ERLEC1: variants seen among roughly 807,000 people sequenced by gnomAD.
ERLEC1 encodes the protein ER lectin.
In ERLEC1, 47 loss-of-function variants were observed where a neutral mutation model predicts 68.0. The ratio of observed to expected loss-of-function variants is 0.69; its 90% CI spans 0.55 to 0.88. The LOEUF (loss-of-function observed/expected upper bound fraction) is 0.88, where lower values mean the gene tolerates loss of function less well. Ranked by LOEUF, ERLEC1 falls within the 40% of genes least tolerant of loss-of-function variation. The pLI, the probability that ERLEC1 is intolerant of heterozygous loss-of-function variation, is 0.00. For missense variants in ERLEC1, 567 were observed against 583.8 expected (o/e 0.97, Z 0.30); for synonymous variants, 225 against 203.2 (o/e 1.11, Z -0.91).
At chr2:53,807,431 AGT>A (rs10574148) in intron 8 of ERLEC1, among the ~76,000 whole-genome samples, 17,384 of 151,418 alleles carry the variant, frequency 0.11, 1,589 homozygotes, top group African/African-American at 0.26. Context: ...TTTGAGACAG[AGT>A]CTCACTCTGT....
At chr2:53,815,013 T>G (rs1266315358) in intron 13 of ERLEC1, 78 bp downstream of exon 13, 11 of 982,878 alleles carry the variant, frequency 1.1e-5, no homozygotes, top group East Asian at 2.8e-5. Context: ...TTTTTTTTTT[T>G]TTTGTTTTTT....
intron 10 of ERLEC1, among the ~76,000 whole-genome samples, chr2:53,809,796 C>G (rs866704914): frequency 2.6e-5 from 4 of 152,256 alleles, no homozygotes; most frequent in Middle Eastern, 3.4e-3. Context: ...TGGCTCACGC[C>G]TGTATTCCCA....
At chr2:53,794,988 C>T (rs2104286499) in intron 2 of ERLEC1, among the ~76,000 whole-genome samples, 2 of 152,086 alleles carry the variant, frequency 1.3e-5, no homozygotes, top group South Asian at 4.2e-4. Context: ...GAAAATCTAA[C>T]TCCACACTTG....
intron 8 of ERLEC1, among the ~76,000 whole-genome samples, chr2:53,803,886 T>A (rs961258495): frequency 6.6e-6 from 1 of 152,240 alleles, no homozygotes; most frequent in Non-Finnish European, 1.5e-5. Flanking sequence ...TCCAGCACTT[T>A]GGGAGGCCGA....
rs570417982 is a variant in ERLEC1, at chr2:53,802,036, C to A, written c.879+194C>A. Among the ~76,000 whole-genome samples, 73 of 152,162 alleles carry A rather than the reference C, an allele frequency of 4.8e-4. 1 individual carries two copies. The highest frequency in any genetic ancestry group is 2.3e-3 in the South Asian group (11 of 4,822). Reference sequence around the variant, plus strand: ...GTACTACTCAAACTATTTTAATATTCTCTTATATTCATAATTTCATAATAT... The same window carrying A: ...GTACTACTCAAACTATTTTAATATTATCTTATATTCATAATTTCATAATAT... On this transcript the variant is annotated intron_variant, in intron 8 of 13. Coordinates refer to ENST00000185150, the MANE Select transcript of ERLEC1 (RefSeq NM_015701.5).
At chr2:53,799,120 A>T (rs773814483) in intron 6 of ERLEC1, 39 bp downstream of exon 6, 1 of 1,564,450 alleles carries the variant, frequency 6.4e-7, no homozygotes, top group South Asian at 1.1e-5. Flanking sequence ...CTTAACACTT[A>T]TTGTTAGTGA....
chr2:53,798,421 C>T (rs1243377414), intron 5 of ERLEC1, among the ~76,000 whole-genome samples: 1 of 151,752 alleles, frequency 6.6e-6, no homozygotes, highest in Non-Finnish European at 1.5e-5. Context: ...GCCACCATGC[C>T]CACTAATTTT....
chr2:53,794,663 T>C (rs1165347974), intron 2 of ERLEC1, among the ~76,000 whole-genome samples: 1 of 152,184 alleles, frequency 6.6e-6, no homozygotes, highest in Non-Finnish European at 1.5e-5. Context: ...TTTTATTTAT[T>C]TATTTATTTT....
At chr2:53,792,181 T>A (rs1183324453) in intron 1 of ERLEC1, among the ~76,000 whole-genome samples, 1 of 151,076 alleles carries the variant, frequency 6.6e-6, no homozygotes, top group African/African-American at 2.4e-5. Context: ...CCTCCCAAAG[T>A]GCTGGGATTA....
chr2:53,817,156 C>G lies in ERLEC1; in HGVS notation c.1381-742C>G, dbSNP rs527759805. On this transcript the variant is annotated intron_variant, in intron 13 of 13. Transcript: ENST00000185150. ...TTTACTTATTTTTTTTTTTTTGAGACAGAGTCTCGCTCTGTCACCCAGGCT... is the reference window on the plus strand; with the variant it reads ...TTTACTTATTTTTTTTTTTTTGAGAGAGAGTCTCGCTCTGTCACCCAGGCT... 5.4e-5 allele frequency among the ~76,000 whole-genome samples: 8 copies of G among 147,430 alleles called. No individual in the cohort carries two copies. The South Asian group carries it at 1.7e-3, about 32-fold the overall frequency.
rs958244464 is a variant in ERLEC1, at chr2:53,796,889, CTTTTTTT to C, written c.349-612_349-606del. On this transcript the variant is annotated intron_variant, in intron 3 of 13. Transcript: ENST00000185150. The stretch of plus-strand genomic sequence containing the variant: ...CAGTTCAAAATAAAGTTTTCTTTTT[CTTTTTTT>C]TTTTTTTTTTTTTGAGACAGAGTTT... 8.7e-3 allele frequency among the ~76,000 whole-genome samples: 1,022 copies of C among 117,238 alleles called. 19 individuals are homozygous for C. Among genetic ancestry groups the C allele is most frequent in the African/African-American group, 0.029 (938 of 31,834 alleles). The allele number at this position is 117,238 out of a possible 152,430, so 76.9% of individuals were successfully genotyped here.
At chr2:53,790,593 C>CA (rs1675340089) in intron 1 of ERLEC1, among the ~76,000 whole-genome samples, 1 of 152,192 alleles carries the variant, frequency 6.6e-6, no homozygotes, top group Non-Finnish European at 1.5e-5. Context: ...ATCTTGCTTT[C>CA]AGATTTGCTT....
intron 8 of ERLEC1, among the ~76,000 whole-genome samples, chr2:53,806,646 C>G (rs932866431): frequency 4.6e-5 from 7 of 152,216 alleles, no homozygotes; most frequent in African/African-American, 1.7e-4. Flanking sequence ...AGAATAAGGT[C>G]ATTGCTTTCT....
chr2:53,792,940 G>A (rs1024269077), intron 1 of ERLEC1, among the ~76,000 whole-genome samples: 1 of 151,762 alleles, frequency 6.6e-6, no homozygotes, highest in African/African-American at 2.4e-5. Context: ...AGTCCAGGAG[G>A]TCAGGCTGCA....
Position 53,799,055 on chromosome 2 carries a change from G to A in ERLEC1, c.499G>A (p.Ala167Thr). 1 of 1,612,452 alleles carries A rather than the reference G, an allele frequency of 6.2e-7. No homozygotes were observed. The highest frequency in any genetic ancestry group is 1.3e-5 in the African/African-American group (1 of 75,002). The part of the protein sequence containing the change: ...KNLLFEKERE[A>T]EEKEKSNEIP... ...ACCTTATTATTCCACAGAACGAGAAGCAGAAGAAAAGGAAAAATCAAATGA... is the reference window on the plus strand; with the variant it reads ...ACCTTATTATTCCACAGAACGAGAAACAGAAGAAAAGGAAAAATCAAATGA... Residue 167 changes from alanine to threonine, a missense_variant, in exon 6 of 14, where the codon GCA (alanine) becomes ACA (threonine). Transcript: ENST00000185150.
intron 13 of ERLEC1, among the ~76,000 whole-genome samples, chr2:53,817,595 T>A (rs1209459565): frequency 6.6e-6 from 1 of 152,216 alleles, no homozygotes; most frequent in African/African-American, 2.4e-5. Flanking sequence ...ACTTAATTAT[T>A]TTGCCATAAT....
Position 53,808,286 on chromosome 2 carries a change from T to C in ERLEC1, c.880-13T>C. 1 of 1,610,882 alleles carries C rather than the reference T, an allele frequency of 6.2e-7. No homozygotes were observed. Among genetic ancestry groups the C allele is most frequent in the Non-Finnish European group, 8.5e-7 (1 of 1,179,160 alleles). ...TGGCATGGAAACCCTTAAACGTGTGTGTTTAATTTTAGGAAGATTTGCAAT... is the reference window on the plus strand; with the variant it reads ...TGGCATGGAAACCCTTAAACGTGTGCGTTTAATTTTAGGAAGATTTGCAAT... On this transcript the variant is annotated splice_polypyrimidine_tract_variant and intron_variant, in intron 8 of 13. Transcript: ENST00000185150.
Position 53,789,597 on chromosome 2 carries a change from C to CTA in ERLEC1, c.162+2226_162+2227dup, listed in dbSNP as rs1675274516. On this transcript the variant is annotated intron_variant, in intron 1 of 13. Coordinates refer to ENST00000185150, the MANE Select transcript of ERLEC1 (RefSeq NM_015701.5). ...AAGTCTGTGCTACTTTGAGAAAAAT[C>CTA]TAGAGTGTTCTGTGAATTGTCACAA... Among the ~76,000 whole-genome samples, 12 of 152,088 alleles carry CTA rather than the reference C, an allele frequency of 7.9e-5. No individual in the cohort carries two copies. The South Asian group carries it at 2.5e-3, about 32-fold the overall frequency.
chr2:53,795,322 A>G lies in ERLEC1; in HGVS notation c.268-611A>G, dbSNP rs552772253. The stretch of plus-strand genomic sequence containing the variant: ...ATTTGAAACTGACTTCCTCCACTCA[A>G]TAAATTTATTAAGCCAATTCAGTAA... On this transcript the variant is annotated intron_variant, in intron 2 of 13. Coordinates refer to ENST00000185150, the MANE Select transcript of ERLEC1 (RefSeq NM_015701.5). Among the ~76,000 whole-genome samples the G allele has an allele frequency of 1.1e-4, 16 of 152,320 alleles. No individual in the cohort carries two copies. The South Asian group carries it at 1.4e-3, about 14-fold the overall frequency.
Sources: gnomAD v4.1 joint callset for allele counts (sites outside exome capture counted in the v4.1 genomes callset) on GRCh38, gnomAD v4.1.1 for gene constraint, MANE v1.5 for transcripts, NCBI Gene and HGNC (gene_info 2026-07-23, HGNC 2026-07-21) for gene names.